MLLT10: variants seen among roughly 807,000 people sequenced by gnomAD.
MLLT10 encodes protein AF-10.
In MLLT10, 30 loss-of-function variants were observed where a neutral mutation model predicts 129.1. That is an observed-to-expected ratio of 0.23 (90% CI 0.17 to 0.32). The LOEUF (loss-of-function observed/expected upper bound fraction) is 0.32, where lower values mean the gene tolerates loss of function less well. Ranked by LOEUF, MLLT10 falls within the 10% of genes least tolerant of loss-of-function variation. The pLI, the probability that MLLT10 is intolerant of heterozygous loss-of-function variation, is 1.00. For missense variants in MLLT10, 1,119 were observed against 1,268.3 expected (o/e 0.88, Z 1.79); for synonymous variants, 490 against 446.4 (o/e 1.10, Z -1.23).
rs558099711 is a variant in MLLT10, at chr10:21,625,250, A to G, written c.699+8043A>G. The stretch of plus-strand genomic sequence containing the variant: ...CTTGTCTGGTGCCTTGGCTAAGACT[A>G]TTTCAAGTTCTTCCCCTTCTGTTTC... On this transcript the variant is annotated intron_variant, in intron 8 of 22. Coordinates refer to ENST00000307729, the MANE Select transcript of MLLT10 (RefSeq NM_001195626.3). 41 of 1,218,458 alleles carry G rather than the reference A, an allele frequency of 3.4e-5. No homozygotes were observed. In the South Asian group the frequency reaches 4.5e-4, roughly 13 times the overall value. The allele number at this position is 1,218,458 out of a possible 1,614,324, so 75.5% of individuals were successfully genotyped here.
chr10:21,676,384 C>T (rs1036858892), intron 11 of MLLT10, among the ~76,000 whole-genome samples: 4 of 150,352 alleles, frequency 2.7e-5, no homozygotes, highest in Non-Finnish European at 5.9e-5. Flanking sequence ...CACCACTGCA[C>T]TCCAGCCTGG....
chr10:21,658,276 C>T (rs534796800), intron 9 of MLLT10, among the ~76,000 whole-genome samples: 1 of 152,308 alleles, frequency 6.6e-6, no homozygotes, highest in South Asian at 2.1e-4. Flanking sequence ...CCTGAGTTCA[C>T]ATCCTTCCCC....
intron 8 of MLLT10, among the ~76,000 whole-genome samples, chr10:21,642,079 A>G (rs1311971450): frequency 6.6e-6 from 1 of 152,214 alleles, no homozygotes; most frequent in Non-Finnish European, 1.5e-5. Flanking sequence ...GGCCTGGTGC[A>G]GTGGCTCACG....
At position 21,706,988 on chromosome 10, in the gene MLLT10, G is replaced by A. The variant is rs575097357; in HGVS notation, c.1700-6784G>A. ...TCTTACTGGTGTCAATTTTCTGTAT[G>A]AACTCCTCTTCTAGGACCCATCCTT... On this transcript the variant is annotated intron_variant, in intron 13 of 22. Coordinates refer to ENST00000307729, the MANE Select transcript of MLLT10 (RefSeq NM_001195626.3). Among the ~76,000 whole-genome samples the A allele has an allele frequency of 2.0e-5, 3 of 152,026 alleles. No homozygotes were observed. In the South Asian group the frequency reaches 6.2e-4, roughly 32 times the overall value.
At chr10:21,542,425 C>T (rs754886142) in intron 3 of MLLT10, among the ~76,000 whole-genome samples, 14 of 152,122 alleles carry the variant, frequency 9.2e-5, no homozygotes, top group Non-Finnish European at 1.6e-4. Context: ...AAAAAATTAG[C>T]CGGGCGTGGT....
chr10:21,641,240 A>G (rs1412642266), intron 8 of MLLT10, among the ~76,000 whole-genome samples: 1 of 152,230 alleles, frequency 6.6e-6, no homozygotes, highest in Non-Finnish European at 1.5e-5. Context: ...ATGACAGAAG[A>G]CAGAGCATTT....
intron 11 of MLLT10, among the ~76,000 whole-genome samples, chr10:21,679,306 A>G (rs1284829687): frequency 6.6e-6 from 1 of 152,200 alleles, no homozygotes; most frequent in Non-Finnish European, 1.5e-5. Flanking sequence ...ACAGTTAGGC[A>G]CGAGGTCTTT....
At chr10:21,668,176 C>T (rs566120482) in intron 9 of MLLT10, among the ~76,000 whole-genome samples, 20 of 152,208 alleles carry the variant, frequency 1.3e-4, no homozygotes, top group African/African-American at 4.3e-4. Flanking sequence ...ACAAGAATTA[C>T]ACTCAGAGCA....
intron 11 of MLLT10, among the ~76,000 whole-genome samples, chr10:21,674,804 T>C (rs1208102958): frequency 6.6e-6 from 1 of 152,224 alleles, no homozygotes; most frequent in Non-Finnish European, 1.5e-5. Flanking sequence ...TTAGGTAAGA[T>C]AAATTATTAT....
intron 14 of MLLT10, among the ~76,000 whole-genome samples, chr10:21,724,499 G>A (rs2057344032): frequency 6.6e-6 from 1 of 152,210 alleles, no homozygotes; most frequent in African/African-American, 2.4e-5. Context: ...TACGATAGAA[G>A]TGCTTTAGTT....
Position 21,538,893 on chromosome 10 carries a change from A to C in MLLT10, c.221A>C (p.Gln74Pro), listed in dbSNP as rs1564364941. The change falls in exon 3 of 23, where the codon CAG becomes CCG. Residue 74 changes from glutamine (Q) to proline (P), a missense_variant. Transcript: ENST00000307729. ...GPWFCRKCES[Q>P]ERAARVRCEL... ...TGGTTTTGCAGGAAATGTGAATCTC[A>C]GGAGAGAGCAGCCAGAGTGGTAAGG... 6.2e-7 allele frequency: 1 copy of C among 1,612,836 alleles called. No individual in the cohort carries two copies. Among genetic ancestry groups the C allele is most frequent in the Non-Finnish European group, 8.5e-7 (1 of 1,178,906 alleles).
intron 3 of MLLT10, chr10:21,557,064 TCA>T: frequency 1.4e-6 from 2 of 1,416,542 alleles, no homozygotes; most frequent in East Asian, 2.5e-5. Flanking sequence ...CCCACTCAAC[TCA>T]CAAACATTTT....
intron 14 of MLLT10, among the ~76,000 whole-genome samples, chr10:21,717,116 G>A (rs1028230783): frequency 2.6e-5 from 4 of 151,516 alleles, no homozygotes; most frequent in African/African-American, 4.9e-5. Context: ...AGCCGGGCGC[G>A]GTGGTGCATG....
intron 13 of MLLT10, among the ~76,000 whole-genome samples, chr10:21,708,062 C>T (rs964983368): frequency 6.6e-6 from 1 of 152,110 alleles, no homozygotes; most frequent in African/African-American, 2.4e-5. Flanking sequence ...TTGCCTTGCT[C>T]CTTAAATTGT....
chr10:21,542,333 C>CT (rs1459784662), intron 3 of MLLT10, among the ~76,000 whole-genome samples: 1 of 152,134 alleles, frequency 6.6e-6, no homozygotes, highest in Admixed American at 6.6e-5. Flanking sequence ...CTTTGGGAGG[C>CT]TCAGGTAGGC....
At position 21,733,772 on chromosome 10, in the gene MLLT10, T is replaced by C. The variant is rs772583231; in HGVS notation, c.2501T>C (p.Leu834Ser). 6.2e-7 allele frequency: 1 copy of C among 1,610,890 alleles called. No individual in the cohort carries two copies. Among genetic ancestry groups the C allele is most frequent in the East Asian group, 2.2e-5 (1 of 44,870 alleles). Reference sequence around the variant, plus strand: ...TTCTCTTCTTTCTTACGCTAGGACTTAACCTCCAGTGGACAAAGTACCAGC... The same window carrying C: ...TTCTCTTCTTTCTTACGCTAGGACTCAACCTCCAGTGGACAAAGTACCAGC... ...DNSLPVLNQDLTSSGQSTSSS... is the reference protein window; with the variant it reads ...DNSLPVLNQDSTSSGQSTSSS... The change falls in exon 20 of 23, where the codon TTA (leucine) becomes TCA (serine). Residue 834 changes from leucine (L) to serine (S), a missense_variant. Physicochemically the swap from Leu to Ser is moderately radical, Grantham distance 145. Coordinates refer to ENST00000307729, the MANE Select transcript of MLLT10 (RefSeq NM_001195626.3).
intron 8 of MLLT10, among the ~76,000 whole-genome samples, chr10:21,646,042 T>A (rs1301322868): frequency 1.3e-5 from 2 of 152,052 alleles, no homozygotes; most frequent in African/African-American, 2.4e-5. Context: ...CCGTCTCTAC[T>A]AAAAATACAA....
intron 9 of MLLT10, among the ~76,000 whole-genome samples, chr10:21,657,555 A>G (rs573803770): frequency 2.0e-5 from 3 of 152,280 alleles, no homozygotes; most frequent in South Asian, 4.1e-4. Flanking sequence ...GTTAAAAGCA[A>G]TCTTTAACAC....
intron 17 of MLLT10, among the ~76,000 whole-genome samples, chr10:21,731,367 A>G (rs1433999070): frequency 6.6e-6 from 1 of 152,064 alleles, no homozygotes; most frequent in East Asian, 1.9e-4. Context: ...TATTGTGAGG[A>G]TTAAATGACA....
Sources: allele counts gnomAD v4.1 joint callset (sites outside exome capture counted in the v4.1 genomes callset), GRCh38; gene constraint gnomAD v4.1.1; transcripts MANE v1.5; gene names NCBI Gene and HGNC (gene_info 2026-07-23, HGNC 2026-07-21).